SLC22A23: variants seen among roughly 807,000 people sequenced by gnomAD.
SLC22A23 encodes the protein ion transporter protein.
In SLC22A23, 26 loss-of-function variants were observed where a neutral mutation model predicts 61.0. The ratio of observed to expected loss-of-function variants is 0.43; its 90% CI spans 0.31 to 0.59. The LOEUF is 0.59. Ranked by LOEUF, SLC22A23 falls within the 20% of genes least tolerant of loss-of-function variation. The pLI is 0.11. For missense variants in SLC22A23, 796 were observed against 934.7 expected, an observed-to-expected ratio of 0.85 and a Z score of 1.94; for synonymous variants, 430 against 413.9, an observed-to-expected ratio of 1.04 and a Z score of -0.47.
At chr6:3,375,316 A>T (rs1039163074) in intron 3 of SLC22A23, among the ~76,000 whole-genome samples, 5 of 152,244 alleles carry the variant, frequency 3.3e-5, no homozygotes, top group African/African-American at 4.8e-5. Flanking sequence ...ATTGCTTATA[A>T]ACTCTGTAGA....
chr6:3,287,675 G>GTTTTTT (rs11418179), intron 6 of SLC22A23, among the ~76,000 whole-genome samples: 11 of 136,936 alleles, frequency 8.0e-5, no homozygotes, highest in East Asian at 6.1e-4. Context: ...ACAGGAAACT[G>GTTTTTT]TTTTTTTTTT....
At chr6:3,413,201 T>G (rs1170722934) in intron 2 of SLC22A23, among the ~76,000 whole-genome samples, 1 of 152,168 alleles carries the variant, frequency 6.6e-6, no homozygotes, top group Non-Finnish European at 1.5e-5. Flanking sequence ...TGTTTGACCT[T>G]GCGGCTCTCG....
rs1181735091 is a variant in SLC22A23, at chr6:3,287,687, GT to G, written c.1314-597del. On this transcript the variant is annotated intron_variant, in intron 6 of 9. Coordinates refer to ENST00000406686, the MANE Select transcript of SLC22A23 (RefSeq NM_015482.2). Reference sequence around the variant, plus strand: ...TCCACAGGAAACTGTTTTTTTTTTTGTTTTGTTTTGTTTTTGAGTAGAGCCG... The same window carrying G: ...TCCACAGGAAACTGTTTTTTTTTTTGTTTGTTTTGTTTTTGAGTAGAGCCG... Among the ~76,000 whole-genome samples, 7 of 107,914 alleles carry G rather than the reference GT, an allele frequency of 6.5e-5. No homozygotes were observed. In the East Asian group the frequency reaches 1.8e-3, roughly 27 times the overall value. 70.8% of individuals were successfully genotyped at this position (107,914 alleles called of 152,430 possible). A position where few individuals can be genotyped will look rare whatever the true frequency, so the allele number is the denominator to read the frequency against.
intron 1 of SLC22A23, among the ~76,000 whole-genome samples, chr6:3,441,392 G>A (rs1196480669): frequency 6.6e-6 from 1 of 152,122 alleles, no homozygotes; most frequent in South Asian, 2.1e-4. Flanking sequence ...AAGCTATGCC[G>A]AAGGCTGACT....
chr6:3,301,042 A>G (rs1761566243), intron 4 of SLC22A23, among the ~76,000 whole-genome samples: 2 of 152,184 alleles, frequency 1.3e-5, no homozygotes, highest in African/African-American at 4.8e-5. Context: ...CTAGCTATAC[A>G]AAATTAATTT....
At chr6:3,447,247 CAT>C (rs951723229) in intron 1 of SLC22A23, among the ~76,000 whole-genome samples, 5 of 152,214 alleles carry the variant, frequency 3.3e-5, no homozygotes, top group Admixed American at 6.5e-5. Context: ...AAAACACACA[CAT>C]CTCTCCTCTT....
intron 6 of SLC22A23, among the ~76,000 whole-genome samples, chr6:3,289,164 CCTT>C (rs138013322): frequency 0.022 from 3,327 of 152,354 alleles, 122 homozygotes; most frequent in African/African-American, 0.076. Flanking sequence ...ACAGGAGTGA[CCTT>C]CTAGGTACAC....
intron 3 of SLC22A23, among the ~76,000 whole-genome samples, chr6:3,362,740 T>C (rs376711318): frequency 2.6e-5 from 4 of 152,138 alleles, no homozygotes; most frequent in South Asian, 4.2e-4. Context: ...GCTCTCTCCA[T>C]GGAGAAAGGC....
chr6:3,404,292 A>G (rs1768641158), intron 3 of SLC22A23, among the ~76,000 whole-genome samples: 1 of 152,216 alleles, frequency 6.6e-6, no homozygotes, highest in Admixed American at 6.5e-5. Flanking sequence ...CAATAGCTAC[A>G]TGTTTTCTTG....
chr6:3,340,027 T>G (rs985894919), intron 3 of SLC22A23, among the ~76,000 whole-genome samples: 5 of 151,968 alleles, frequency 3.3e-5, no homozygotes, highest in African/African-American at 1.2e-4. Flanking sequence ...CATATGAAAT[T>G]AAAAATGTGT....
chr6:3,381,211 T>C (rs1051829556), intron 3 of SLC22A23, among the ~76,000 whole-genome samples: 1 of 151,884 alleles, frequency 6.6e-6, no homozygotes, highest in Admixed American at 6.6e-5. Context: ...CTGCCAGGCA[T>C]GGGGACACCA....
chr6:3,419,514 T>G (rs949793721), intron 1 of SLC22A23, among the ~76,000 whole-genome samples: 3 of 152,216 alleles, frequency 2.0e-5, no homozygotes, highest in Non-Finnish European at 2.9e-5. Flanking sequence ...TGACCTGAGT[T>G]AGGAAGAGAG....
In SLC22A23 at chr6:3,305,562, G is replaced by A. The variant is rs184741537; in HGVS notation, c.1083-7344C>T. 4.1e-4 allele frequency among the ~76,000 whole-genome samples: 62 copies of A among 152,310 alleles called. 1 individual carries two copies. The East Asian group carries it at 9.1e-3, about 22-fold the overall frequency. On this transcript the variant is annotated intron_variant, in intron 4 of 9. Transcript: ENST00000406686. Reference sequence around the variant, plus strand: ...TGTTTTAGTTTGGATAATGTGCAGCGTGGCCATATTATGGGAACTTAATGA... The same window carrying A: ...TGTTTTAGTTTGGATAATGTGCAGCATGGCCATATTATGGGAACTTAATGA...
At chr6:3,408,383 A>C (rs1768971003) in intron 3 of SLC22A23, among the ~76,000 whole-genome samples, 1 of 152,262 alleles carries the variant, frequency 6.6e-6, no homozygotes, top group Non-Finnish European at 1.5e-5. Context: ...ATGATGTCAC[A>C]GTGCAAGTCA....
intron 4 of SLC22A23, among the ~76,000 whole-genome samples, chr6:3,307,946 G>A (rs1762102390): frequency 6.6e-6 from 1 of 152,144 alleles, no homozygotes; most frequent in African/African-American, 2.4e-5. Flanking sequence ...AGAACCTAGA[G>A]GACACCGTAC....
At chr6:3,409,477 A>G (rs1171522351) in intron 3 of SLC22A23, among the ~76,000 whole-genome samples, 1 of 152,238 alleles carries the variant, frequency 6.6e-6, no homozygotes, top group Non-Finnish European at 1.5e-5. Context: ...AAGACAAAAT[A>G]CATGGTAAAT....
chr6:3,384,469 G>A (rs530789157), intron 3 of SLC22A23, among the ~76,000 whole-genome samples: 57 of 152,112 alleles, frequency 3.7e-4, no homozygotes, highest in Non-Finnish European at 6.0e-4. Context: ...CTGGTGGCAA[G>A]AATAAACATG....
rs1180786344 is a variant in SLC22A23 at position 3,410,272 on chromosome 6, A to G, written c.829T>C (p.Ser277Pro). 1 of 1,613,988 alleles carries G rather than the reference A, an allele frequency of 6.2e-7. No homozygotes were observed. Among genetic ancestry groups the G allele is most frequent in the Non-Finnish European group, 8.5e-7 (1 of 1,179,958 alleles). The change falls in exon 3 of 10, where the codon TCA becomes CCA. Residue 277 changes from serine (S) to proline (P), a missense_variant. Physicochemically the swap from Ser to Pro is moderately conservative, Grantham distance 74. Coordinates refer to ENST00000406686, the MANE Select transcript of SLC22A23 (RefSeq NM_015482.2). The surrounding 1 kb of genome is among the most constrained non-coding windows in gnomAD (Gnocchi z 5.0). ...GTGCTGAACATTGTCACATTCACTG[A>G]CAGTGCCACAGTCAGTCCAAAGATC... is the stretch of plus-strand genomic sequence containing the variant. ...ILIFGLTVAL[S>P]VNVTMFSTLR... is the part of the protein sequence containing the mutation.
intron 3 of SLC22A23, among the ~76,000 whole-genome samples, chr6:3,337,657 T>C (rs772901794): frequency 2.6e-5 from 4 of 151,826 alleles, no homozygotes; most frequent in Non-Finnish European, 5.9e-5. Context: ...CTGTGTACCA[T>C]GTGCTCGGGC....
Sources: allele counts gnomAD v4.1 joint callset (sites outside exome capture counted in the v4.1 genomes callset), GRCh38; gene constraint gnomAD v4.1.1; non-coding constraint Gnocchi (gnomAD v3.1); transcripts MANE v1.5; gene names NCBI Gene and HGNC (gene_info 2026-07-23, HGNC 2026-07-21).